The following WWOX variants were observed in gnomAD, a reference collection of about 807,000 sequenced individuals.
The protein encoded by WWOX is WW domain containing oxidoreductase, also known as WW domain-containing oxidoreductase.
Under a neutral mutation model 46.2 loss-of-function variants are expected in WWOX, and 69 were observed. That is an observed-to-expected ratio of 1.49 (90% confidence interval 1.23 to 1.82). The LOEUF is 1.82. Among genes scored for constraint, WWOX ranks in the 40% most tolerant of loss-of-function variants. The pLI is 0.00. For synonymous variants in WWOX, 359 were observed against 202.6 expected (o/e 1.77, Z -6.56); for missense variants, 919 against 542.6 (o/e 1.69, Z -6.89).
In WWOX at chr16:78,976,679, C is replaced by T. The variant is rs182770792; in HGVS notation, c.1057-234929C>T. 5.2e-3 allele frequency among the ~76,000 whole-genome samples: 795 copies of T among 152,282 alleles called. 2 individuals are homozygous for T. Among genetic ancestry groups the T allele is most frequent in the Middle Eastern group, 0.014 (4 of 294 alleles). On this transcript the variant is annotated intron_variant, in intron 8 of 8. Coordinates refer to ENST00000566780, the MANE Select transcript of WWOX (RefSeq NM_016373.4). Reference sequence around the variant, plus strand: ...TAATGTGACGCTGAAATAAAATAATCCAAAGAGAAAATGCCTGAGACCCAC... The same window carrying T: ...TAATGTGACGCTGAAATAAAATAATTCAAAGAGAAAATGCCTGAGACCCAC...
At chr16:79,090,896 C>G (rs1272555602) in intron 8 of WWOX, among the ~76,000 whole-genome samples, 3 of 152,196 alleles carry the variant, frequency 2.0e-5, no homozygotes, top group Admixed American at 6.5e-5. Context: ...TGGGTTCAAA[C>G]AATTGTCCTG....
At chr16:79,108,389 G>C (rs536703113) in intron 8 of WWOX, among the ~76,000 whole-genome samples, 13 of 152,302 alleles carry the variant, frequency 8.5e-5, no homozygotes, top group Non-Finnish European at 1.8e-4. Context: ...CATTTTTCTG[G>C]TGTCTACCTG....
At chr16:78,124,004 T>G (rs1163385558) in intron 4 of WWOX, 2 of 152,180 alleles carry the variant, frequency 1.3e-5, no homozygotes, top group East Asian at 1.9e-4. Flanking sequence ...AATTTTTGTT[T>G]TGGCTGTGTA....
intron 8 of WWOX, among the ~76,000 whole-genome samples, chr16:78,438,479 C>T (rs1268369197): frequency 6.6e-6 from 1 of 151,468 alleles, no homozygotes; most frequent in East Asian, 1.9e-4. Flanking sequence ...TCCACATAAG[C>T]TTTCATTTCT....
intron 8 of WWOX, among the ~76,000 whole-genome samples, chr16:78,619,185 A>ATATATTTT (rs1567441317): frequency 3.7e-5 from 1 of 26,884 alleles, no homozygotes; most frequent in Non-Finnish European, 6.4e-5. Context: ...ATATATATAT[A>ATATATTTT]TATATATATA....
chr16:78,797,016 G>T (rs1392559027), intron 8 of WWOX, among the ~76,000 whole-genome samples: 1 of 151,804 alleles, frequency 6.6e-6, no homozygotes, highest in Admixed American at 6.6e-5. Flanking sequence ...AGTAGTGCCG[G>T]GGTTTCACCA....
At chr16:79,108,544 A>G (rs542215607) in intron 8 of WWOX, among the ~76,000 whole-genome samples, 2 of 152,354 alleles carry the variant, frequency 1.3e-5, no homozygotes, top group East Asian at 1.9e-4. Flanking sequence ...TGGGCACTTC[A>G]TATGCCATTC....
At chr16:78,302,911 C>G (rs2080065963) in intron 5 of WWOX, among the ~76,000 whole-genome samples, 1 of 152,150 alleles carries the variant, frequency 6.6e-6, no homozygotes, top group African/African-American at 2.4e-5. Context: ...TCCCTGTGGA[C>G]CTCACTACTT....
intron 8 of WWOX, among the ~76,000 whole-genome samples, chr16:78,446,810 G>A (rs555445795): frequency 6.6e-6 from 1 of 151,656 alleles, no homozygotes; most frequent in East Asian, 1.9e-4. Context: ...ACAGGCATGT[G>A]CTACTACCCC....
At chr16:79,002,214 T>C (rs1372595339) in intron 8 of WWOX, among the ~76,000 whole-genome samples, 1 of 4,492 alleles carries the variant, frequency 2.2e-4, no homozygotes, top group Non-Finnish European at 6.1e-4. Context: ...GTGTCCTGCC[T>C]TTTTTTTTTT....
At chr16:78,794,030 C>A (rs1470947381) in intron 8 of WWOX, among the ~76,000 whole-genome samples, 1 of 152,138 alleles carries the variant, frequency 6.6e-6, no homozygotes, top group Non-Finnish European at 1.5e-5. Flanking sequence ...AGGCTAGATT[C>A]AAATCCTGCT....
intron 8 of WWOX, among the ~76,000 whole-genome samples, chr16:78,757,620 A>G (rs961157201): frequency 1.3e-5 from 2 of 152,124 alleles, no homozygotes; most frequent in Non-Finnish European, 2.9e-5. Flanking sequence ...AAACATTTGT[A>G]TTTATTTATA....
intron 5 of WWOX, among the ~76,000 whole-genome samples, chr16:78,342,100 A>G (rs2081026642): frequency 8.2e-6 from 1 of 121,534 alleles, no homozygotes; most frequent in African/African-American, 2.8e-5. Flanking sequence ...TAGGCAGCAG[A>G]ATGAGACTAT....
Position 79,010,713 on chromosome 16 carries a change from G to C in WWOX, c.1057-200895G>C, listed in dbSNP as rs1196275508. ...AAGGCTTCCAGGCAGAGGAGGTTTGGCCATGGGTACCAAGGGGTAGAGATG... is the reference window on the plus strand; with the variant it reads ...AAGGCTTCCAGGCAGAGGAGGTTTGCCCATGGGTACCAAGGGGTAGAGATG... On this transcript the variant is annotated intron_variant, in intron 8 of 8. Coordinates refer to ENST00000566780, the MANE Select transcript of WWOX (RefSeq NM_016373.4). Among the ~76,000 whole-genome samples, 3 of 152,052 alleles carry C rather than the reference G, an allele frequency of 2.0e-5. No individual in the cohort carries two copies. The East Asian group carries it at 5.8e-4, about 30-fold the overall frequency.
intron 5 of WWOX, among the ~76,000 whole-genome samples, chr16:78,338,227 A>G (rs1337505246): frequency 8.3e-6 from 1 of 120,714 alleles, no homozygotes; most frequent in African/African-American, 2.8e-5. Context: ...CAAATTTACT[A>G]TCGTATTCAG....
At chr16:79,060,201 C>G (rs755049702) in intron 8 of WWOX, among the ~76,000 whole-genome samples, 2 of 152,126 alleles carry the variant, frequency 1.3e-5, no homozygotes, top group African/African-American at 4.8e-5. Context: ...ATTTTTCTTG[C>G]TAATTTATTT....
intron 8 of WWOX, among the ~76,000 whole-genome samples, chr16:78,796,888 C>T (rs542002339): frequency 2.1e-4 from 31 of 149,774 alleles, no homozygotes; most frequent in East Asian, 4.0e-4. Context: ...TGCAGTGGTG[C>T]GATCTCGGCT....
intron 7 of WWOX, 139 bp downstream of exon 7, chr16:78,425,194 T>C (rs941197412): frequency 8.7e-7 from 1 of 1,147,934 alleles, no homozygotes; most frequent in Admixed American, 2.1e-5. Context: ...TCACTTAATT[T>C]TTCCAGGTCT....
intron 5 of WWOX, among the ~76,000 whole-genome samples, chr16:78,286,150 C>A (rs892465856): frequency 6.6e-6 from 1 of 152,184 alleles, no homozygotes; most frequent in Non-Finnish European, 1.5e-5. Flanking sequence ...GATTTTCATT[C>A]CCTTGTTTTG....
Sources: gnomAD v4.1 joint callset for allele counts (sites outside exome capture counted in the v4.1 genomes callset) on GRCh38, gnomAD v4.1.1 for gene constraint, MANE v1.5 for transcripts, NCBI Gene and HGNC (gene_info 2026-07-23, HGNC 2026-07-21) for gene names.